Variants in FRAS1 observed in about 807,000 individuals in gnomAD.
The protein encoded by FRAS1 is Fraser extracellular matrix complex subunit 1.
In FRAS1, 290 loss-of-function variants were observed where a neutral mutation model predicts 435.2. The ratio of observed to expected loss-of-function variants is 0.67; its 90% CI spans 0.61 to 0.73. The LOEUF is 0.73. Ranked by LOEUF, FRAS1 falls within the 30% of genes least tolerant of loss-of-function variation. The pLI is 0.00. For synonymous variants in FRAS1, 1,800 were observed against 1,851.0 expected (o/e 0.97, Z 0.71); for missense variants, 4,860 against 5,001.5 (o/e 0.97, Z 0.85).
At chr4:78,462,400 A>T (rs1395948278) in intron 47 of FRAS1, among the ~76,000 whole-genome samples, 1 of 152,144 alleles carries the variant, frequency 6.6e-6, no homozygotes, top group Non-Finnish European at 1.5e-5. Context: ...AGAAAAAGAA[A>T]AGAAAAAGAA....
chr4:78,354,345 T>C (rs1045229735), intron 20 of FRAS1, among the ~76,000 whole-genome samples: 1 of 152,130 alleles, frequency 6.6e-6, no homozygotes. Flanking sequence ...GAAGTCTCAT[T>C]TGGTTGGTTG....
intron 2 of FRAS1, among the ~76,000 whole-genome samples, chr4:78,188,516 C>T (rs767666004): frequency 6.6e-6 from 1 of 152,152 alleles, no homozygotes; most frequent in Non-Finnish European, 1.5e-5. Flanking sequence ...AACTTCAGCT[C>T]TACTTATAAG....
At chr4:78,115,526 A>G (rs926975773) in intron 2 of FRAS1, among the ~76,000 whole-genome samples, 4 of 152,214 alleles carry the variant, frequency 2.6e-5, no homozygotes, top group Non-Finnish European at 5.9e-5. Flanking sequence ...TGATCTATTC[A>G]GAGATTCAAC....
At chr4:78,523,642 A>C (rs924651373) in intron 69 of FRAS1, among the ~76,000 whole-genome samples, 29 of 152,336 alleles carry the variant, frequency 1.9e-4, no homozygotes, top group African/African-American at 6.7e-4. Context: ...TTTTCAAAAA[A>C]AATTTTTTCT....
At chr4:78,385,933 A>G (rs1459612479) in intron 28 of FRAS1, among the ~76,000 whole-genome samples, 1 of 151,774 alleles carries the variant, frequency 6.6e-6, no homozygotes, top group African/African-American at 2.4e-5. Context: ...AATTTAGGAC[A>G]GAGGGCTACA....
At chr4:78,122,919 T>G (rs1205768224) in intron 2 of FRAS1, among the ~76,000 whole-genome samples, 1 of 152,244 alleles carries the variant, frequency 6.6e-6, no homozygotes. Context: ...TCTTCCATTC[T>G]GTAGGTTGCC....
chr4:78,489,839 A>C (rs1253948541), intron 59 of FRAS1, among the ~76,000 whole-genome samples: 1 of 152,112 alleles, frequency 6.6e-6, no homozygotes, highest in Non-Finnish European at 1.5e-5. Context: ...CCAGGGAAAC[A>C]TATATCCCAG....
chr4:78,496,769 T>A (rs1467487774), intron 59 of FRAS1, 36 bp from the exon 60 acceptor site: 1 of 1,569,942 alleles, frequency 6.4e-7, no homozygotes, highest in African/African-American at 1.4e-5. Context: ...GATATCTTGC[T>A]GAAAATTTTA....
intron 20 of FRAS1, among the ~76,000 whole-genome samples, chr4:78,345,348 C>T (rs1477140481): frequency 2.6e-5 from 4 of 152,154 alleles, no homozygotes; most frequent in Non-Finnish European, 5.9e-5. Flanking sequence ...GGATGGTCCT[C>T]AAGAACTGTT....
chr4:78,483,163 C>T (rs1409300201), intron 58 of FRAS1, among the ~76,000 whole-genome samples: 2 of 152,136 alleles, frequency 1.3e-5, no homozygotes, highest in African/African-American at 2.4e-5. Flanking sequence ...GTGATCCAGC[C>T]TAAGGACTCT....
chr4:78,362,137 A>T (rs764243713), intron 20 of FRAS1, among the ~76,000 whole-genome samples: 1 of 152,206 alleles, frequency 6.6e-6, no homozygotes. Context: ...GCTACTGTGC[A>T]CTATGTATTG....
At chr4:78,255,105 G>T (rs1725729710) in intron 5 of FRAS1, 137 bp from the exon 6 acceptor site, 1 of 798,042 alleles carries the variant, frequency 1.3e-6, no homozygotes, top group East Asian at 2.7e-5. Flanking sequence ...TGACTGCAGA[G>T]CATTGAACAC....
In FRAS1 at chr4:78,372,773, G is replaced by A; in HGVS notation, c.2925G>A (p.Gln975=). Residue 975 remains glutamine (Q), a synonymous_variant, in exon 24 of 74, where the codon CAG becomes CAA. Coordinates refer to ENST00000512123, the MANE Select transcript of FRAS1 (RefSeq NM_025074.7). ...CSGPLKTDCL[Q]CMDGYVLQDG... ...GGCCCCTGAAAACAGACTGCCTGCA[G>A]TGCATGGATGGCTATGTTCTCCAGG... 3 of 1,613,224 alleles carry A rather than the reference G, an allele frequency of 1.9e-6. No individual in the cohort carries two copies. Among genetic ancestry groups the A allele is most frequent in the Non-Finnish European group, 2.5e-6 (3 of 1,179,712 alleles).
chr4:78,198,938 T>A (rs1031533402), intron 2 of FRAS1, among the ~76,000 whole-genome samples: 1 of 152,248 alleles, frequency 6.6e-6, no homozygotes, highest in Non-Finnish European at 1.5e-5. Context: ...AATTGACTGT[T>A]TATATTATCA....
At chr4:78,516,951 G>T (rs1721232888) in intron 66 of FRAS1, among the ~76,000 whole-genome samples, 1 of 152,190 alleles carries the variant, frequency 6.6e-6, no homozygotes, top group Admixed American at 6.5e-5. Context: ...TTTATAGCAA[G>T]AAGCCAGAGT....
At chr4:78,141,121 G>A (rs1210212238) in intron 2 of FRAS1, among the ~76,000 whole-genome samples, 1 of 152,026 alleles carries the variant, frequency 6.6e-6, no homozygotes, top group East Asian at 1.9e-4. Flanking sequence ...AGGTATACAT[G>A]TGCCATGGTG....
intron 2 of FRAS1, among the ~76,000 whole-genome samples, chr4:78,219,701 G>A (rs191867559): frequency 2.6e-4 from 39 of 152,276 alleles, no homozygotes; most frequent in African/African-American, 9.1e-4. Context: ...TACTTAAGAT[G>A]TCAGGATAAG....
chr4:78,284,229 ATTTT>A (rs11453256), intron 12 of FRAS1, among the ~76,000 whole-genome samples, 172 bp from the exon 13 acceptor site: 1,590 of 80,810 alleles, frequency 0.02, 37 homozygotes, highest in African/African-American at 0.065. Context: ...ATTGGAATGT[ATTTT>A]TTTTTTTTTT....
In FRAS1 at chr4:78,475,346, C is replaced by T; in HGVS notation, c.7683-92C>T. ...TTCCTCTTCTCTGACTACCTAATGC[C>T]AAGAACCAAATGGAAGAGACAGGCA... On this transcript the variant is annotated intron_variant, in intron 53 of 73. Coordinates refer to ENST00000512123, the MANE Select transcript of FRAS1 (RefSeq NM_025074.7). The T allele has an allele frequency of 4.2e-6, 6 of 1,430,750 alleles. No individual in the cohort carries two copies. The South Asian group carries it at 6.2e-5, about 15-fold the overall frequency. 88.6% of individuals were successfully genotyped at this position (1,430,750 alleles called of 1,614,324 possible). A position where few individuals can be genotyped will look rare whatever the true frequency, so the allele number is the denominator to read the frequency against.
Sources: allele counts gnomAD v4.1 joint callset (sites outside exome capture counted in the v4.1 genomes callset), GRCh38; gene constraint gnomAD v4.1.1; transcripts MANE v1.5; gene names NCBI Gene and HGNC (gene_info 2026-07-23, HGNC 2026-07-21).